Variants in ATXN7 observed in about 807,000 individuals in gnomAD.
ATXN7 encodes the protein ataxin-7.
ATXN7 carries 12 observed loss-of-function variants against 70.5 expected under a neutral mutation model. The ratio of observed to expected loss-of-function variants is 0.17; its 90% CI spans 0.11 to 0.28. The LOEUF (loss-of-function observed/expected upper bound fraction) is 0.28, where lower values mean the gene tolerates loss of function less well. Ranked by LOEUF, ATXN7 falls within the 10% of genes least tolerant of loss-of-function variation. The pLI is 1.00. For missense variants in ATXN7, 1,256 were observed against 1,131.7 expected (o/e 1.11, Z -1.58); for synonymous variants, 498 against 448.7 (o/e 1.11, Z -1.39).
intron 1 of ATXN7, among the ~76,000 whole-genome samples, chr3:63,896,947 A>T (rs1460575721): frequency 6.6e-6 from 1 of 152,214 alleles, no homozygotes; most frequent in African/African-American, 2.4e-5. Context: ...ACCTAGTGAA[A>T]TAAGATCAAG....
chr3:63,960,832 G>C (rs1459690803), intron 5 of ATXN7, among the ~76,000 whole-genome samples: 4 of 151,878 alleles, frequency 2.6e-5, no homozygotes, highest in African/African-American at 9.7e-5. Context: ...AATTATTGCA[G>C]TGATGCCAAG....
Position 63,949,454 on chromosome 3 carries a change from A to G in ATXN7, c.395-2925A>G, listed in dbSNP as rs543159849. 5.9e-4 allele frequency among the ~76,000 whole-genome samples: 90 copies of G among 152,196 alleles called. 1 individual carries two copies. The highest frequency in any genetic ancestry group is 1.0e-3 in the Non-Finnish European group (71 of 67,998). ...CACTCTTTCACCCAGGCTGGAGTGC[A>G]GTGGCGCAATCTTGGCTCATGGCAA... is the stretch of plus-strand genomic sequence containing the variant. On this transcript the variant is annotated intron_variant, in intron 4 of 12. Transcript: ENST00000674280.
chr3:63,939,976 TCAG>T (rs2074727335), intron 4 of ATXN7, among the ~76,000 whole-genome samples: 1 of 151,692 alleles, frequency 6.6e-6, no homozygotes, highest in African/African-American at 2.4e-5. Flanking sequence ...AAAAAAAAAA[TCAG>T]CAGTGATTCT....
chr3:63,879,506 T>A (rs1181697439), intron 1 of ATXN7, among the ~76,000 whole-genome samples: 2 of 150,234 alleles, frequency 1.3e-5, no homozygotes, highest in Non-Finnish European at 3.0e-5. Context: ...TTTTTTTTTT[T>A]AAATAGAGTC....
At chr3:63,907,070 G>T (rs1374126454) in intron 2 of ATXN7, among the ~76,000 whole-genome samples, 4 of 152,238 alleles carry the variant, frequency 2.6e-5, no homozygotes, top group Non-Finnish European at 5.9e-5. Flanking sequence ...GACAAGCATG[G>T]TGCTAATAGT....
At chr3:63,952,835 CTTTTT>C (rs59256288) in intron 5 of ATXN7, among the ~76,000 whole-genome samples, 8 of 49,162 alleles carry the variant, frequency 1.6e-4, no homozygotes, top group Admixed American at 2.4e-4. Context: ...ATGCATGGGC[CTTTTT>C]TTTTTTTTTT....
chr3:63,983,187 T>C (rs79954701), intron 8 of ATXN7, among the ~76,000 whole-genome samples, 166 bp downstream of exon 8: 1,833 of 152,316 alleles, frequency 0.012, 15 homozygotes, highest in Middle Eastern at 0.034. Context: ...AAGCCTCAGA[T>C]TGACAAAATG....
intron 5 of ATXN7, among the ~76,000 whole-genome samples, chr3:63,978,375 A>G (rs901738019): frequency 6.6e-6 from 1 of 152,206 alleles, no homozygotes; most frequent in Non-Finnish European, 1.5e-5. Flanking sequence ...GAGAAAGACA[A>G]TGGAGACATG....
At chr3:63,945,466 A>G (rs2074844325) in intron 4 of ATXN7, among the ~76,000 whole-genome samples, 2 of 152,226 alleles carry the variant, frequency 1.3e-5, no homozygotes, top group South Asian at 4.1e-4. Flanking sequence ...TTGAACTTGA[A>G]CTTCTCTGTC....
chr3:63,965,476 G>C (rs1015244467), intron 5 of ATXN7, among the ~76,000 whole-genome samples: 2 of 152,166 alleles, frequency 1.3e-5, no homozygotes, highest in Admixed American at 6.5e-5. Context: ...TTGTGCACTA[G>C]AGTAAAATTG....
intron 8 of ATXN7, among the ~76,000 whole-genome samples, chr3:63,985,741 G>T (rs2075567492): frequency 6.6e-6 from 1 of 152,162 alleles, no homozygotes; most frequent in Non-Finnish European, 1.5e-5. Flanking sequence ...AAAGTCCTCT[G>T]TGCCTTCCAC....
At chr3:63,949,787 TAG>T (rs563572145) in intron 4 of ATXN7, among the ~76,000 whole-genome samples, 34 of 152,310 alleles carry the variant, frequency 2.2e-4, no homozygotes, top group African/African-American at 7.9e-4. Flanking sequence ...GCATGCTTTT[TAG>T]AGAGATTCAG....
chr3:63,867,866 CA>C (rs1262217110), intron 1 of ATXN7, among the ~76,000 whole-genome samples: 1 of 152,102 alleles, frequency 6.6e-6, no homozygotes, highest in Non-Finnish European at 1.5e-5. Flanking sequence ...GCCTGGGCAA[CA>C]GAGTAAGACA....
At chr3:63,925,523 C>T (rs1361470829) in intron 4 of ATXN7, among the ~76,000 whole-genome samples, 3 of 152,096 alleles carry the variant, frequency 2.0e-5, no homozygotes, top group Non-Finnish European at 4.4e-5. Flanking sequence ...GAATCTAATG[C>T]CTGATGATCT....
At chr3:63,998,835 C>A in intron 12 of ATXN7, 2 of 372,736 alleles carry the variant, frequency 5.4e-6, no homozygotes, top group Non-Finnish European at 7.4e-6. Context: ...CCTTGTGGAG[C>A]TGCCATTAAA....
intron 4 of ATXN7, among the ~76,000 whole-genome samples, chr3:63,938,731 T>A (rs1397515043): frequency 6.6e-6 from 1 of 152,240 alleles, no homozygotes; most frequent in East Asian, 1.9e-4. Flanking sequence ...TTTGAATTGT[T>A]TTCACAAGCA....
chr3:63,952,635 A>C, intron 5 of ATXN7, 152 bp downstream of exon 5: 1 of 432,926 alleles, frequency 2.3e-6, no homozygotes, highest in African/African-American at 2.0e-5. Context: ...AATAACTATC[A>C]GATGTTGGGT....
chr3:63,863,841 T>G (rs1702311274), upstream of ATXN7: 6 of 1,210,512 alleles, frequency 5.0e-6, no homozygotes, highest in Non-Finnish European at 6.1e-6. Context: ...GAGGCGGCGG[T>G]TGGCGGCGGC....
At chr3:63,879,487 GT>G (rs200065951) in intron 1 of ATXN7, among the ~76,000 whole-genome samples, 1,483 of 135,396 alleles carry the variant, frequency 0.011, 18 homozygotes, top group African/African-American at 0.035. Flanking sequence ...TATCTCTTCA[GT>G]TTTTTTTTTT....
Sources: gnomAD v4.1 joint callset for allele counts (sites outside exome capture counted in the v4.1 genomes callset) on GRCh38, gnomAD v4.1.1 for gene constraint, MANE v1.5 for transcripts, NCBI Gene and HGNC (gene_info 2026-07-23, HGNC 2026-07-21) for gene names.